The following NSMCE2 variants were observed in gnomAD, a reference collection of about 807,000 sequenced individuals.
The protein encoded by NSMCE2 is NSE2 SUMO ligase component of SMC5/6 complex.
Under a neutral mutation model 23.8 loss-of-function variants are expected in NSMCE2, and 24 were observed. That is an observed-to-expected ratio of 1.01 (90% CI 0.73 to 1.42). NSMCE2 has a LOEUF of 1.42. NSMCE2 is among the 40% of genes most tolerant of loss of function. NSMCE2 has a pLI of 0.00. For synonymous variants in NSMCE2, 92 were observed against 94.1 expected (o/e 0.98, Z 0.13); for missense variants, 284 against 296.5 (o/e 0.96, Z 0.31).
chr8:125,129,632 TCTGA>T (rs144294513), intron 3 of NSMCE2, among the ~76,000 whole-genome samples: 2,153 of 152,050 alleles, frequency 0.014, 62 homozygotes, highest in African/African-American at 0.05. Context: ...TGGAATGATG[TCTGA>T]CTGGTGCCTT....
chr8:125,245,499 T>C (rs1016872324), intron 5 of NSMCE2, among the ~76,000 whole-genome samples: 1 of 152,098 alleles, frequency 6.6e-6, no homozygotes, highest in Non-Finnish European at 1.5e-5. Flanking sequence ...CTTACCAAAA[T>C]GTGTAGGTGG....
chr8:125,241,718 C>A lies in NSMCE2; in HGVS notation c.418+59462C>A, dbSNP rs16900465. Among the ~76,000 whole-genome samples the A allele has an allele frequency of 1.6e-3, 244 of 152,228 alleles. 5 individuals are homozygous for A. In the East Asian group the frequency reaches 0.041, roughly 26 times the overall value. Reference sequence around the variant, plus strand: ...AGGTAAACAGTAGTGGTGATTTTAACAAAAGTACTCATAGTGTAAGTTGAA... The same window carrying A: ...AGGTAAACAGTAGTGGTGATTTTAAAAAAAGTACTCATAGTGTAAGTTGAA... On this transcript the variant is annotated intron_variant, in intron 5 of 7. Coordinates refer to ENST00000287437, the MANE Select transcript of NSMCE2 (RefSeq NM_173685.4).
Position 125,366,832 on chromosome 8 carries a change from C to T in NSMCE2, c.691C>T (p.Leu231Phe), listed in dbSNP as rs145953938. 8 of 1,613,566 alleles carry T rather than the reference C, an allele frequency of 5.0e-6. No homozygotes were observed. The highest frequency in any genetic ancestry group is 1.3e-5 in the African/African-American group (1 of 74,902). The change falls in exon 8 of 8, where the codon CTT becomes TTT. Residue 231 changes from leucine (L) to phenylalanine (F), a missense_variant. Physicochemically the swap from Leu to Phe is conservative, Grantham distance 22. Transcript: ENST00000287437. ...RKSDLIQDEA[L>F]RRAIENHNKK... ...GTCAGATCTTATCCAGGATGAAGCACTTAGAAGGGCAATTGAGAACCATAA... is the reference window on the plus strand; with the variant it reads ...GTCAGATCTTATCCAGGATGAAGCATTTAGAAGGGCAATTGAGAACCATAA...
At chr8:125,191,136 C>T (rs1264156965) in intron 5 of NSMCE2, among the ~76,000 whole-genome samples, 1 of 152,072 alleles carries the variant, frequency 6.6e-6, no homozygotes, top group African/African-American at 2.4e-5. Context: ...CCTCCCAAAG[C>T]ACTGGGATTA....
At position 125,231,574 on chromosome 8, in the gene NSMCE2, T is replaced by G. The variant is rs115923709; in HGVS notation, c.418+49318T>G. Among the ~76,000 whole-genome samples the G allele has an allele frequency of 3.2e-3, 482 of 152,292 alleles. 4 individuals are homozygous for G. Among genetic ancestry groups the G allele is most frequent in the African/African-American group, 0.011 (472 of 41,562 alleles). On this transcript the variant is annotated intron_variant, in intron 5 of 7. Coordinates refer to ENST00000287437, the MANE Select transcript of NSMCE2 (RefSeq NM_173685.4). ...CCATAGCACTTTTGCACACTATAGATTGCAACCCACAGTATTTTACTTAAA... is the reference window on the plus strand; with the variant it reads ...CCATAGCACTTTTGCACACTATAGAGTGCAACCCACAGTATTTTACTTAAA...
chr8:125,171,867 C>G (rs1484888678), intron 4 of NSMCE2, among the ~76,000 whole-genome samples: 1 of 152,202 alleles, frequency 6.6e-6, no homozygotes, highest in African/African-American at 2.4e-5. Flanking sequence ...TATATCTGCT[C>G]TGTCCAGAGT....
At chr8:125,173,158 A>T (rs564711633) in intron 4 of NSMCE2, among the ~76,000 whole-genome samples, 1 of 152,162 alleles carries the variant, frequency 6.6e-6, no homozygotes, top group African/African-American at 2.4e-5. Context: ...GTTCTGTGTC[A>T]TGAGGAGTTC....
intron 3 of NSMCE2, among the ~76,000 whole-genome samples, chr8:125,103,147 A>G (rs1818282480): frequency 6.6e-6 from 1 of 152,134 alleles, no homozygotes. Flanking sequence ...TCTACTAAAA[A>G]TACAAAAAAT....
rs75052412 is a variant in NSMCE2, at chr8:125,231,232, A to G, written c.418+48976A>G. Among the ~76,000 whole-genome samples, 91 of 152,316 alleles carry G rather than the reference A, an allele frequency of 6.0e-4. 1 individual carries two copies. Among genetic ancestry groups the G allele is most frequent in the African/African-American group, 2.0e-3 (83 of 41,566 alleles). On this transcript the variant is annotated intron_variant, in intron 5 of 7. Transcript: ENST00000287437. ...TTACAGGTAGCAGTAGGGTGACCTA[A>G]TACACAGAAAGTGCTGTGCCACATA...
intron 5 of NSMCE2, among the ~76,000 whole-genome samples, chr8:125,293,318 G>T (rs1475031895): frequency 6.6e-6 from 1 of 152,132 alleles, no homozygotes; most frequent in Non-Finnish European, 1.5e-5. Context: ...TAAGAGGGTG[G>T]TTCTTATTGT....
chr8:125,191,586 C>T (rs1376283552), intron 5 of NSMCE2, among the ~76,000 whole-genome samples: 1 of 152,110 alleles, frequency 6.6e-6, no homozygotes, highest in African/African-American at 2.4e-5. Context: ...GTAATGATAC[C>T]AGACATTACA....
At position 125,196,203 on chromosome 8, in the gene NSMCE2, CT is replaced by C. The variant is rs59684072; in HGVS notation, c.418+13962del. Among the ~76,000 whole-genome samples the C allele has an allele frequency of 4.2e-3, 566 of 133,824 alleles. 1 individual carries two copies. Among genetic ancestry groups the C allele is most frequent in the African/African-American group, 7.5e-3 (275 of 36,588 alleles). 87.8% of individuals were successfully genotyped at this position (133,824 alleles called of 152,430 possible). A position where few individuals can be genotyped will look rare whatever the true frequency, so the allele number is the denominator to read the frequency against. On this transcript the variant is annotated intron_variant, in intron 5 of 7. Transcript: ENST00000287437. ...GCAGCCCTGGATAACTTTTTTTTTTCTTTTTTTTTTTTTTTATACTTTAAGT... is the reference window on the plus strand; with the variant it reads ...GCAGCCCTGGATAACTTTTTTTTTTCTTTTTTTTTTTTTTATACTTTAAGT...
At chr8:125,258,869 G>A (rs1455154169) in intron 5 of NSMCE2, among the ~76,000 whole-genome samples, 2 of 152,224 alleles carry the variant, frequency 1.3e-5, no homozygotes, top group African/African-American at 2.4e-5. Flanking sequence ...CAACTGACCA[G>A]TGGTCCTTAG....
intron 5 of NSMCE2, among the ~76,000 whole-genome samples, chr8:125,207,933 A>G (rs1385664532): frequency 6.6e-6 from 1 of 152,204 alleles, no homozygotes; most frequent in Admixed American, 6.5e-5. Flanking sequence ...TCACAGTGTA[A>G]CTTTTGTCAG....
chr8:125,151,224 T>C lies in NSMCE2; in HGVS notation c.211T>C (p.Leu71=), dbSNP rs200837390. ...CAAGGCAATGGTTGAATTTGCTACA[T>C]TGGATCGGCAACTAAACCATTATGT... ...MDKAMVEFAT[L]DRQLNHYVKA... Residue 71 remains leucine (L), a synonymous_variant, in exon 4 of 8, where the codon TTG becomes CTG. Transcript: ENST00000287437. 5 of 1,610,460 alleles carry C rather than the reference T, an allele frequency of 3.1e-6. No homozygotes were observed. Among genetic ancestry groups the C allele is most frequent in the African/African-American group, 2.7e-5 (2 of 74,820 alleles).
At chr8:125,171,286 A>G (rs1014988849) in intron 4 of NSMCE2, among the ~76,000 whole-genome samples, 4 of 152,182 alleles carry the variant, frequency 2.6e-5, no homozygotes, top group Admixed American at 1.3e-4. Flanking sequence ...GGTTCTCTTG[A>G]CTGCTGTGTT....
At chr8:125,213,733 C>CTTCCTTCCTTAT (rs1305326751) in intron 5 of NSMCE2, among the ~76,000 whole-genome samples, 49 of 147,282 alleles carry the variant, frequency 3.3e-4, no homozygotes, top group African/African-American at 1.2e-3. Context: ...TATTTCCTTC[C>CTTCCTTCCTTAT]TTCCTTCCTT....
Position 125,140,396 on chromosome 8 carries a change from C to T in NSMCE2, c.158-10775C>T, listed in dbSNP as rs527653692. Among the ~76,000 whole-genome samples the T allele has an allele frequency of 7.9e-5, 12 of 152,304 alleles. No homozygotes were observed. In the South Asian group the frequency reaches 2.5e-3, roughly 32 times the overall value. Reference sequence around the variant, plus strand: ...ATCATATAAAGGCCAGGCACAGTGGCTCACGCCTGTAATCCCAGCACTTTG... The same window carrying T: ...ATCATATAAAGGCCAGGCACAGTGGTTCACGCCTGTAATCCCAGCACTTTG... On this transcript the variant is annotated intron_variant, in intron 3 of 7. Coordinates refer to ENST00000287437, the MANE Select transcript of NSMCE2 (RefSeq NM_173685.4).
At chr8:125,162,501 G>A (rs1315218082) in intron 4 of NSMCE2, among the ~76,000 whole-genome samples, 1 of 150,442 alleles carries the variant, frequency 6.6e-6, no homozygotes, top group African/African-American at 2.4e-5. Flanking sequence ...TTTTTTTTCT[G>A]TGCCTGCCCA....
Sources: gnomAD v4.1 joint callset for allele counts (sites outside exome capture counted in the v4.1 genomes callset) on GRCh38, gnomAD v4.1.1 for gene constraint, MANE v1.5 for transcripts, NCBI Gene and HGNC (gene_info 2026-07-23, HGNC 2026-07-21) for gene names.